TRABD2B: variants seen among roughly 807,000 people sequenced by gnomAD.
TRABD2B encodes the protein metalloprotease TIKI2.
Under a neutral mutation model 40.1 loss-of-function variants are expected in TRABD2B, and 14 were observed. That is an observed-to-expected ratio of 0.35 (90% CI 0.23 to 0.55). The LOEUF (loss-of-function observed/expected upper bound fraction) is 0.55. Among genes scored for constraint, TRABD2B ranks in the 20% least tolerant of loss-of-function variants. The pLI, the probability that TRABD2B is intolerant of heterozygous loss-of-function variation, is 0.90. For synonymous variants in TRABD2B, 263 were observed against 277.0 expected (o/e 0.95, Z 0.50); for missense variants, 541 against 648.6 (o/e 0.83, Z 1.80).
intron 2 of TRABD2B, among the ~76,000 whole-genome samples, chr1:47,824,219 C>CT (rs1215727500): frequency 2.0e-5 from 3 of 152,130 alleles, no homozygotes; most frequent in African/African-American, 4.8e-5. Context: ...TTCCTCACTC[C>CT]TTTTTTTGGA....
intron 2 of TRABD2B, among the ~76,000 whole-genome samples, chr1:47,980,844 A>G (rs1159344762): frequency 6.6e-6 from 1 of 152,082 alleles, no homozygotes; most frequent in Non-Finnish European, 1.5e-5. Flanking sequence ...TCTGCTTCCC[A>G]GGGCCACAGC....
chr1:47,835,451 T>TTC (rs1645306119), intron 2 of TRABD2B, among the ~76,000 whole-genome samples: 1 of 150,140 alleles, frequency 6.7e-6, no homozygotes, highest in Non-Finnish European at 1.5e-5. Context: ...CCAAGTAGGA[T>TTC]AAATTCAAAG....
At chr1:47,992,683 T>G (rs1234173346) in intron 2 of TRABD2B, among the ~76,000 whole-genome samples, 1 of 152,162 alleles carries the variant, frequency 6.6e-6, no homozygotes. Flanking sequence ...GAAAAGTCAC[T>G]TCAGAGGGAG....
intron 2 of TRABD2B, among the ~76,000 whole-genome samples, chr1:47,992,881 C>T (rs948045137): frequency 6.6e-6 from 1 of 152,206 alleles, no homozygotes; most frequent in African/African-American, 2.4e-5. Context: ...ACCGACAAAC[C>T]CGCCTTTCAT....
At chr1:47,834,577 G>GCACACACACACACACA (rs1553156380) in intron 2 of TRABD2B, among the ~76,000 whole-genome samples, 54 of 142,480 alleles carry the variant, frequency 3.8e-4, no homozygotes, top group South Asian at 1.5e-3. Flanking sequence ...ACACACACAC[G>GCACACACACACACACA]CGCACACACA....
At chr1:47,841,794 T>G (rs1645401267) in intron 2 of TRABD2B, among the ~76,000 whole-genome samples, 1 of 150,606 alleles carries the variant, frequency 6.6e-6, no homozygotes, top group Admixed American at 6.6e-5. Context: ...TTCTTTTTTT[T>G]TTTTTTTTGA....
chr1:47,931,532 G>A (rs574203114), intron 2 of TRABD2B, among the ~76,000 whole-genome samples: 73 of 152,232 alleles, frequency 4.8e-4, no homozygotes, highest in African/African-American at 1.6e-3. Flanking sequence ...AACACTGGCC[G>A]TTCCCACTTC....
intron 2 of TRABD2B, among the ~76,000 whole-genome samples, chr1:47,876,548 G>C (rs560867928): frequency 1.3e-5 from 2 of 152,340 alleles, no homozygotes; most frequent in Admixed American, 6.5e-5. Context: ...GTGGGGAGGG[G>C]CTAGGAAATC....
chr1:47,978,819 G>A (rs989738455), intron 2 of TRABD2B, among the ~76,000 whole-genome samples: 8 of 152,190 alleles, frequency 5.3e-5, no homozygotes, highest in African/African-American at 1.7e-4. Flanking sequence ...GGTTTTAGCA[G>A]CTTTCATTTA....
chr1:47,903,863 C>G (rs1644638490), intron 2 of TRABD2B, among the ~76,000 whole-genome samples: 1 of 152,196 alleles, frequency 6.6e-6, no homozygotes. Flanking sequence ...CCCAAGAGCA[C>G]TGGGGGCTCA....
chr1:47,922,760 T>C (rs1644918746), intron 2 of TRABD2B, among the ~76,000 whole-genome samples: 2 of 152,258 alleles, frequency 1.3e-5, no homozygotes, highest in African/African-American at 4.8e-5. Flanking sequence ...CTTCTTCCCC[T>C]GGAAATCTAG....
chr1:47,916,364 C>T (rs906982664), intron 2 of TRABD2B, among the ~76,000 whole-genome samples: 58 of 152,298 alleles, frequency 3.8e-4, no homozygotes, highest in East Asian at 9.7e-4. Flanking sequence ...ATCAAACATG[C>T]CCCTGGCATC....
At chr1:47,846,428 G>A (rs374638237) in intron 2 of TRABD2B, among the ~76,000 whole-genome samples, 15 of 152,346 alleles carry the variant, frequency 9.8e-5, no homozygotes, top group Non-Finnish European at 2.1e-4. Flanking sequence ...TCCAAGAGCC[G>A]AAGGCCTGAG....
At chr1:47,926,208 AAAG>A (rs1350357782) in intron 2 of TRABD2B, among the ~76,000 whole-genome samples, 9 of 152,242 alleles carry the variant, frequency 5.9e-5, no homozygotes, top group Non-Finnish European at 1.2e-4. Flanking sequence ...TCAAAAATAA[AAAG>A]AAGAAGAGGC....
chr1:47,915,434 T>C (rs185854150), intron 2 of TRABD2B, among the ~76,000 whole-genome samples: 108 of 152,296 alleles, frequency 7.1e-4, no homozygotes, highest in African/African-American at 2.4e-3. Flanking sequence ...AGGCCCTACA[T>C]TGGATCATTA....
intron 2 of TRABD2B, among the ~76,000 whole-genome samples, chr1:47,877,851 G>T: frequency 6.6e-6 from 1 of 152,048 alleles, no homozygotes; most frequent in East Asian, 1.9e-4. Flanking sequence ...AATTAGCCGG[G>T]TGTGGTGGTG....
chr1:47,932,606 A>G (rs1645054120), intron 2 of TRABD2B, among the ~76,000 whole-genome samples: 1 of 152,182 alleles, frequency 6.6e-6, no homozygotes. Flanking sequence ...GCACAGGAGC[A>G]AAAATTCGTG....
intron 2 of TRABD2B, among the ~76,000 whole-genome samples, chr1:47,881,794 G>A (rs1314828545): frequency 6.6e-6 from 1 of 152,196 alleles, no homozygotes; most frequent in African/African-American, 2.4e-5. Context: ...TGCATGGCTT[G>A]TGGCATCTGT....
chr1:47,912,099 T>C (rs78402732), intron 2 of TRABD2B, among the ~76,000 whole-genome samples: 2 of 152,166 alleles, frequency 1.3e-5, no homozygotes, highest in African/African-American at 4.8e-5. Context: ...GAGGGAGGCA[T>C]GGGGATCAGA....
Sources: gnomAD v4.1 joint callset for allele counts (sites outside exome capture counted in the v4.1 genomes callset) on GRCh38, gnomAD v4.1.1 for gene constraint, MANE v1.5 for transcripts, NCBI Gene and HGNC (gene_info 2026-07-23, HGNC 2026-07-21) for gene names.